SH3GL2: variants seen among roughly 807,000 people sequenced by gnomAD.
SH3GL2 encodes SH3 domain containing GRB2 like 2, endophilin A1.
A neutral mutation model predicts 46.0 loss-of-function variants in SH3GL2; 24 were observed. The observed-to-expected ratio is 0.52, with a 90% CI of 0.38 to 0.73. The LOEUF (loss-of-function observed/expected upper bound fraction) is 0.73, where lower values mean the gene tolerates loss of function less well. SH3GL2 is among the 30% of genes least tolerant of loss of function. The pLI is 0.00. For synonymous variants in SH3GL2, 196 were observed against 147.1 expected (o/e 1.33, Z -2.40); for missense variants, 413 against 424.2 (o/e 0.97, Z 0.23).
At chr9:17,728,055 T>C (rs1822068113) in intron 1 of SH3GL2, among the ~76,000 whole-genome samples, 1 of 152,200 alleles carries the variant, frequency 6.6e-6, no homozygotes, top group African/African-American at 2.4e-5. Flanking sequence ...GTTATTTCTT[T>C]ATTTGAAAAT....
intron 1 of SH3GL2, among the ~76,000 whole-genome samples, chr9:17,617,143 C>G (rs1057170019): frequency 6.6e-6 from 1 of 152,066 alleles, no homozygotes; most frequent in South Asian, 2.1e-4. Context: ...CAAGAGCTTC[C>G]CCATTGTTTC....
intron 8 of SH3GL2, among the ~76,000 whole-genome samples, chr9:17,794,212 G>C (rs1284527268): frequency 3.9e-4 from 60 of 152,198 alleles, no homozygotes; most frequent in Non-Finnish European, 7.3e-5. Flanking sequence ...ACAACAGCCT[G>C]TGCTGGAGAC....
chr9:17,691,862 C>T (rs1821087495), intron 1 of SH3GL2, among the ~76,000 whole-genome samples: 1 of 152,044 alleles, frequency 6.6e-6, no homozygotes, highest in Non-Finnish European at 1.5e-5. Flanking sequence ...TTACAAAGTA[C>T]TATATATTCC....
intron 3 of SH3GL2, among the ~76,000 whole-genome samples, chr9:17,768,590 C>T (rs1363886740): frequency 6.6e-6 from 1 of 152,020 alleles, no homozygotes; most frequent in African/African-American, 2.4e-5. Context: ...AGTTCCTTCT[C>T]CCTCTTGTTC....
At chr9:17,667,432 T>C (rs1473616472) in intron 1 of SH3GL2, among the ~76,000 whole-genome samples, 1 of 152,216 alleles carries the variant, frequency 6.6e-6, no homozygotes, top group Non-Finnish European at 1.5e-5. Context: ...ATTTGACTAC[T>C]GTTTTTTATG....
rs145813138 is a variant in SH3GL2, at chr9:17,736,685, A to G, written c.46-10381A>G. 3.3e-5 allele frequency among the ~76,000 whole-genome samples: 5 copies of G among 152,238 alleles called. No individual in the cohort carries two copies. The East Asian group carries it at 5.8e-4, about 18-fold the overall frequency. On this transcript the variant is annotated intron_variant, in intron 1 of 8. Transcript: ENST00000380607. ...TACATGTAGGAAGTCTCTCAAATAC[A>G]TTCAGATATCCATCGGCTTGCAGTT...
intron 2 of SH3GL2, among the ~76,000 whole-genome samples, chr9:17,758,876 C>T (rs1823087319): frequency 6.6e-6 from 1 of 152,218 alleles, no homozygotes; most frequent in Non-Finnish European, 1.5e-5. Flanking sequence ...TTTCTTTAGA[C>T]AAGTCACAAG....
At chr9:17,751,466 G>T (rs1307880991) in intron 2 of SH3GL2, among the ~76,000 whole-genome samples, 2 of 142,414 alleles carry the variant, frequency 1.4e-5, no homozygotes, top group Non-Finnish European at 3.1e-5. Context: ...TGGTGTGTGT[G>T]TTTTTGTGTG....
chr9:17,709,662 A>G (rs1821565869), intron 1 of SH3GL2, among the ~76,000 whole-genome samples: 1 of 139,900 alleles, frequency 7.1e-6, no homozygotes, highest in African/African-American at 2.7e-5. Flanking sequence ...GTGTATATAT[A>G]GTTTAACTTA....
At chr9:17,580,940 A>G (rs1424379397) in intron 1 of SH3GL2, among the ~76,000 whole-genome samples, 6 of 152,190 alleles carry the variant, frequency 3.9e-5, no homozygotes, top group Admixed American at 3.3e-4. Flanking sequence ...GGGAAAGGCT[A>G]AGGTTTGAAT....
intron 1 of SH3GL2, among the ~76,000 whole-genome samples, chr9:17,718,889 T>C (rs1011693047): frequency 2.6e-5 from 4 of 152,134 alleles, no homozygotes; most frequent in Non-Finnish European, 4.4e-5. Flanking sequence ...CCATGTGATA[T>C]AAGGAGAATC....
intron 4 of SH3GL2, among the ~76,000 whole-genome samples, chr9:17,787,011 ACC>A (rs1035106371): frequency 2.0e-5 from 3 of 150,740 alleles, no homozygotes; most frequent in Admixed American, 6.6e-5. Flanking sequence ...TTCTATTTTC[ACC>A]CCCTTGTGAT....
chr9:17,756,352 A>G (rs1283799148), intron 2 of SH3GL2, among the ~76,000 whole-genome samples: 1 of 151,772 alleles, frequency 6.6e-6, no homozygotes, highest in Admixed American at 6.6e-5. Context: ...TAAGTTCTAG[A>G]GTATGTGTAC....
Position 17,724,389 on chromosome 9 carries a change from T to C in SH3GL2, c.46-22677T>C, listed in dbSNP as rs926665161. Among the ~76,000 whole-genome samples, 10 of 152,298 alleles carry C rather than the reference T, an allele frequency of 6.6e-5. No individual in the cohort carries two copies. In the East Asian group the frequency reaches 1.9e-3, roughly 29 times the overall value. ...TTTGATAAGACATTGTCATCATGCC[T>C]TACTTTACTTCCGTAGGCATGGTTT... On this transcript the variant is annotated intron_variant, in intron 1 of 8. Coordinates refer to ENST00000380607, the MANE Select transcript of SH3GL2 (RefSeq NM_003026.5).
intron 1 of SH3GL2, among the ~76,000 whole-genome samples, chr9:17,674,852 GTC>G (rs1461610345): frequency 6.6e-6 from 1 of 152,092 alleles, no homozygotes. Context: ...AAGTTGCAAG[GTC>G]TTTAGAGGCC....
chr9:17,708,797 A>G (rs1821542197), intron 1 of SH3GL2, among the ~76,000 whole-genome samples: 1 of 151,974 alleles, frequency 6.6e-6, no homozygotes, highest in African/African-American at 2.4e-5. Flanking sequence ...TGCAAATCCA[A>G]CCTGATTACG....
At chr9:17,713,512 C>T (rs569510711) in intron 1 of SH3GL2, among the ~76,000 whole-genome samples, 1 of 151,222 alleles carries the variant, frequency 6.6e-6, no homozygotes, top group Admixed American at 6.6e-5. Flanking sequence ...TTATTCTTTT[C>T]TAACACAGAT....
At chr9:17,724,203 A>G (rs1407363766) in intron 1 of SH3GL2, among the ~76,000 whole-genome samples, 1 of 151,888 alleles carries the variant, frequency 6.6e-6, no homozygotes, top group South Asian at 2.1e-4. Flanking sequence ...GGATCATCTC[A>G]TCTGCCTTCA....
intron 1 of SH3GL2, among the ~76,000 whole-genome samples, chr9:17,667,111 CAT>C (rs1820363172): frequency 6.6e-6 from 1 of 152,108 alleles, no homozygotes; most frequent in Non-Finnish European, 1.5e-5. Context: ...GTCTTTTAAA[CAT>C]ATTTGGTATA....
Sources: allele counts gnomAD v4.1 joint callset (sites outside exome capture counted in the v4.1 genomes callset), GRCh38; gene constraint gnomAD v4.1.1; transcripts MANE v1.5; gene names NCBI Gene and HGNC (gene_info 2026-07-23, HGNC 2026-07-21).